Variants in ADARB2 observed in about 807,000 individuals in gnomAD.
ADARB2 encodes the protein inactive double-stranded RNA-specific editase B2.
ADARB2 carries 25 observed loss-of-function variants against 62.2 expected under a neutral mutation model. The observed-to-expected ratio is 0.40, with a 90% CI of 0.29 to 0.56. The LOEUF is 0.56. Among genes scored for constraint, ADARB2 ranks in the 20% least tolerant of loss-of-function variants. ADARB2 has a pLI of 0.43. For synonymous variants in ADARB2, 572 were observed against 500.8 expected, an observed-to-expected ratio of 1.14 and a Z score of -1.90; for missense variants, 1,071 against 1,077.4, an observed-to-expected ratio of 0.99 and a Z score of 0.08.
At chr10:1,500,069 G>T (rs1488502724) in intron 1 of ADARB2, among the ~76,000 whole-genome samples, 2 of 152,182 alleles carry the variant, frequency 1.3e-5, no homozygotes, top group Non-Finnish European at 2.9e-5. Context: ...CTTGCTTTGT[G>T]AATTTTTTGT....
chr10:1,301,051 T>C (rs1009207398), intron 3 of ADARB2, among the ~76,000 whole-genome samples: 1 of 152,152 alleles, frequency 6.6e-6, no homozygotes, highest in African/African-American at 2.4e-5. Flanking sequence ...CTGAGAGGAA[T>C]TGACCAAATA....
chr10:1,265,117 C>T (rs978952460), intron 4 of ADARB2, among the ~76,000 whole-genome samples: 5 of 152,348 alleles, frequency 3.3e-5, no homozygotes, highest in African/African-American at 1.2e-4. Context: ...ATCAGCTCTA[C>T]ATTTCAGCTC....
At chr10:1,270,187 T>C (rs534077967) in intron 4 of ADARB2, among the ~76,000 whole-genome samples, 2 of 152,250 alleles carry the variant, frequency 1.3e-5, no homozygotes, top group South Asian at 4.2e-4. Context: ...AGTCATTTGG[T>C]CCTTTATTTT....
At chr10:1,403,328 G>A (rs890574012) in intron 1 of ADARB2, among the ~76,000 whole-genome samples, 1 of 152,146 alleles carries the variant, frequency 6.6e-6, no homozygotes, top group Admixed American at 6.5e-5. Flanking sequence ...ATGTGTAAAG[G>A]GGCAATCACG....
intron 3 of ADARB2, among the ~76,000 whole-genome samples, chr10:1,339,835 T>C (rs1321464932): frequency 6.6e-6 from 1 of 152,080 alleles, no homozygotes; most frequent in Non-Finnish European, 1.5e-5. Context: ...TTCCCAACAA[T>C]ATGACACAGA....
chr10:1,389,854 T>C (rs553108799), intron 1 of ADARB2, among the ~76,000 whole-genome samples: 1 of 152,260 alleles, frequency 6.6e-6, no homozygotes, highest in South Asian at 2.1e-4. Flanking sequence ...AAATCAGAGC[T>C]CATCCCCTGG....
intron 1 of ADARB2, among the ~76,000 whole-genome samples, chr10:1,567,606 A>C (rs1167164532): frequency 1.3e-5 from 2 of 152,226 alleles, no homozygotes; most frequent in East Asian, 3.9e-4. Flanking sequence ...GGACGTGGCC[A>C]GGCATGGAGG....
intron 7 of ADARB2, among the ~76,000 whole-genome samples, chr10:1,208,264 A>G (rs1837095953): frequency 1.3e-5 from 2 of 152,228 alleles, no homozygotes; most frequent in African/African-American, 4.8e-5. Context: ...CTGCTGTGGG[A>G]CAACCACAGT....
At chr10:1,577,188 C>A (rs1833032815) in intron 1 of ADARB2, among the ~76,000 whole-genome samples, 1 of 151,314 alleles carries the variant, frequency 6.6e-6, no homozygotes, top group Non-Finnish European at 1.5e-5. Flanking sequence ...TGCAGTGATA[C>A]CCTCATGCAC....
chr10:1,258,508 T>TA (rs774726856), intron 4 of ADARB2, among the ~76,000 whole-genome samples: 84 of 152,268 alleles, frequency 5.5e-4, no homozygotes, highest in Non-Finnish European at 8.7e-4. Context: ...TCCTAGTCTC[T>TA]AATAAAACAG....
Position 1,611,656 on chromosome 10 carries a change from A to G in ADARB2, c.100+125395T>C, listed in dbSNP as rs575992585. 2.0e-5 allele frequency among the ~76,000 whole-genome samples: 3 copies of G among 149,840 alleles called. No homozygotes were observed. In the South Asian group the frequency reaches 6.4e-4, roughly 32 times the overall value. On this transcript the variant is annotated intron_variant, in intron 1 of 9. Transcript: ENST00000381312. ...TTCCTAATACGGGAACATGACACAT[A>G]CATTAGGCTGAAGGAAAGGAGGAAA...
intron 7 of ADARB2, among the ~76,000 whole-genome samples, chr10:1,204,594 A>C (rs1589150583): frequency 6.6e-6 from 1 of 152,142 alleles, no homozygotes; most frequent in Non-Finnish European, 1.5e-5. Context: ...TGTCGCGTGG[A>C]CGCTCCGCCC....
intron 1 of ADARB2, among the ~76,000 whole-genome samples, chr10:1,497,834 G>A (rs1334838134): frequency 6.6e-6 from 1 of 152,052 alleles, no homozygotes; most frequent in African/African-American, 2.4e-5. Flanking sequence ...GAATTTGAAG[G>A]GGGTGGAGTT....
intron 1 of ADARB2, among the ~76,000 whole-genome samples, chr10:1,454,719 A>T (rs1289322760): frequency 6.6e-6 from 1 of 152,128 alleles, no homozygotes; most frequent in African/African-American, 2.4e-5. Flanking sequence ...CAGTTCTGGA[A>T]GATGAAACTT....
At chr10:1,341,014 C>T (rs944920020) in intron 3 of ADARB2, among the ~76,000 whole-genome samples, 1 of 151,340 alleles carries the variant, frequency 6.6e-6, no homozygotes, top group Non-Finnish European at 1.5e-5. Context: ...ACCCTGTGCC[C>T]CACATCGGCA....
rs565091743 is a variant in ADARB2, at chr10:1,697,764, G to A, written c.100+39287C>T. Among the ~76,000 whole-genome samples the A allele has an allele frequency of 1.1e-4, 16 of 152,274 alleles. No homozygotes were observed. The South Asian group carries it at 3.3e-3, about 32-fold the overall frequency. On this transcript the variant is annotated intron_variant, in intron 1 of 9. Transcript: ENST00000381312. The stretch of plus-strand genomic sequence containing the variant: ...GAACCAGTTGGGGCCCGTGACCTGA[G>A]CACGGTGTATTGAAGCCCTGATGGA...
Position 1,363,047 on chromosome 10 carries a change from C to A in ADARB2, c.1058G>T (p.Arg353Met). ...QMPGHAPGRARRTPMPQEFAD... is the reference protein window; with the variant it reads ...QMPGHAPGRAMRTPMPQEFAD... Reference sequence around the variant, plus strand: ...CCTCACCTGCGGCATTGGCGTCCTCCTGGCCCTGCCGGGCGCGTGGCCGGG... The same window carrying A: ...CCTCACCTGCGGCATTGGCGTCCTCATGGCCCTGCCGGGCGCGTGGCCGGG... Residue 353 changes from arginine to methionine, a missense_variant, in exon 3 of 10, where the codon AGG becomes ATG. Physicochemically the swap from Arg to Met is moderately conservative, Grantham distance 91. Coordinates refer to ENST00000381312, the MANE Select transcript of ADARB2 (RefSeq NM_018702.4). The A allele has an allele frequency of 7.0e-7, 1 of 1,420,742 alleles. No homozygotes were observed. The highest frequency in any genetic ancestry group is 2.6e-5 in the Admixed American group (1 of 38,878). The allele number at this position is 1,420,742 out of a possible 1,614,324, so 88.0% of individuals were successfully genotyped here.
chr10:1,459,920 C>T (rs1460443394), intron 1 of ADARB2, among the ~76,000 whole-genome samples: 2 of 144,796 alleles, frequency 1.4e-5, no homozygotes, highest in African/African-American at 5.3e-5. Context: ...AGCAAACCTG[C>T]CTGTGACCTG....
At chr10:1,618,529 C>T (rs1378644197) in intron 1 of ADARB2, among the ~76,000 whole-genome samples, 1 of 145,334 alleles carries the variant, frequency 6.9e-6, no homozygotes, top group Admixed American at 7.1e-5. Context: ...TGTTCAAGTA[C>T]AGTGTCACTA....
Sources: allele counts gnomAD v4.1 joint callset (sites outside exome capture counted in the v4.1 genomes callset), GRCh38; gene constraint gnomAD v4.1.1; transcripts MANE v1.5; gene names NCBI Gene and HGNC (gene_info 2026-07-23, HGNC 2026-07-21).